Variants in EIF4E observed in about 807,000 individuals in gnomAD.
The protein encoded by EIF4E is eIF-4F 25 kDa subunit.
For synonymous variants in EIF4E, 71 were observed against 88.5 expected (o/e 0.80, Z 1.11); for missense variants, 113 against 265.6 (o/e 0.43, Z 3.99).
intron 1 of EIF4E, chr4:98,903,335 T>C (rs1579166977): frequency 9.5e-6 from 4 of 419,634 alleles, no homozygotes; most frequent in Non-Finnish European, 1.8e-5. Flanking sequence ...AGAAAGGTGG[T>C]AAATATTTAT....
At chr4:98,920,840 C>T (rs66467917) in intron 1 of EIF4E, among the ~76,000 whole-genome samples, 12,084 of 152,134 alleles carry the variant, frequency 0.079, 1,117 homozygotes, top group East Asian at 0.49. Flanking sequence ...CATATTCTTT[C>T]AGTTAGAATT....
chr4:98,906,851 A>G (rs1724893280), intron 1 of EIF4E, among the ~76,000 whole-genome samples: 1 of 152,186 alleles, frequency 6.6e-6, no homozygotes. Flanking sequence ...CACAGCTGTA[A>G]AATTCAGAGC....
rs75671922 is a variant in EIF4E, at chr4:98,888,760, A to C, written c.222-808T>G. On this transcript the variant is annotated intron_variant, in intron 3 of 6. Coordinates refer to ENST00000450253, the MANE Select transcript of EIF4E (RefSeq NM_001968.5). ...ATCTTTTGCTTGTCTCCAATATTAG[A>C]TGGCAGAAATAATGATCTTAGCTGT... Among the ~76,000 whole-genome samples the C allele has an allele frequency of 8.8e-3, 1,343 of 152,266 alleles. 22 individuals carry two copies. Among genetic ancestry groups the C allele is most frequent in the African/African-American group, 0.031 (1,280 of 41,548 alleles).
intron 1 of EIF4E, among the ~76,000 whole-genome samples, chr4:98,903,951 C>G (rs560491814): frequency 6.6e-6 from 1 of 152,054 alleles, no homozygotes; most frequent in Non-Finnish European, 1.5e-5. Context: ...GTGGGAGTCT[C>G]GATGAAAACA....
chr4:98,896,570 G>C (rs753357914), intron 2 of EIF4E, among the ~76,000 whole-genome samples: 21 of 145,464 alleles, frequency 1.4e-4, no homozygotes, highest in Admixed American at 6.9e-5. Flanking sequence ...AAGCTGATGT[G>C]GGAAGGTCAT....
intron 2 of EIF4E, chr4:98,895,217 C>A (rs1290663370): frequency 6.6e-6 from 1 of 152,166 alleles, no homozygotes; most frequent in Non-Finnish European, 1.5e-5. Flanking sequence ...TGAGCACATG[C>A]CATTGGAAAC....
At chr4:98,917,887 C>T (rs534489563) in intron 1 of EIF4E, among the ~76,000 whole-genome samples, 1 of 151,880 alleles carries the variant, frequency 6.6e-6, no homozygotes, top group Non-Finnish European at 1.5e-5. Context: ...ACCAGCCTGG[C>T]CAACATAATG....
At chr4:98,894,251 C>G (rs1025729731) in intron 2 of EIF4E, among the ~76,000 whole-genome samples, 1 of 152,224 alleles carries the variant, frequency 6.6e-6, no homozygotes, top group Non-Finnish European at 1.5e-5. Flanking sequence ...CTGGCTTCAA[C>G]TTAAAGTCAT....
intron 6 of EIF4E, among the ~76,000 whole-genome samples, chr4:98,884,669 AC>A (rs1333809094): frequency 6.6e-6 from 1 of 152,142 alleles, no homozygotes; most frequent in Non-Finnish European, 1.5e-5. Flanking sequence ...ATGCCACTGT[AC>A]TATATATAGC....
In EIF4E at chr4:98,919,839, G is replaced by A. The variant is rs867026661; in HGVS notation, c.18+9256C>T. On this transcript the variant is annotated intron_variant, in intron 1 of 6. Coordinates refer to ENST00000450253, the MANE Select transcript of EIF4E (RefSeq NM_001968.5). ...CTCCCCAAGTGCTGGGATTACAGGCGTGAGCCACCATGCCCGGCCAGAATT... is the reference window on the plus strand; with the variant it reads ...CTCCCCAAGTGCTGGGATTACAGGCATGAGCCACCATGCCCGGCCAGAATT... Among the ~76,000 whole-genome samples the A allele has an allele frequency of 7.9e-5, 12 of 152,108 alleles. No homozygotes were observed. The South Asian group carries it at 2.1e-3, about 26-fold the overall frequency.
At chr4:98,895,040 A>G (rs1308264940) in intron 2 of EIF4E, 3 of 152,286 alleles carry the variant, frequency 2.0e-5, no homozygotes, top group Non-Finnish European at 4.4e-5. Flanking sequence ...GTCAGAACAC[A>G]TACAACATTT....
At chr4:98,924,011 C>CA (rs936249890) in intron 1 of EIF4E, among the ~76,000 whole-genome samples, 3 of 151,924 alleles carry the variant, frequency 2.0e-5, no homozygotes, top group Admixed American at 6.6e-5. Context: ...TTCCACTTCT[C>CA]AAAAAAGTCT....
chr4:98,916,891 G>C (rs186019024), intron 1 of EIF4E, among the ~76,000 whole-genome samples: 5 of 152,012 alleles, frequency 3.3e-5, no homozygotes, highest in African/African-American at 1.2e-4. Context: ...CAAATGGAAG[G>C]GTGGAACACA....
chr4:98,902,567 G>C (rs1182206475), intron 1 of EIF4E, among the ~76,000 whole-genome samples: 1 of 151,886 alleles, frequency 6.6e-6, no homozygotes, highest in Admixed American at 6.6e-5. Flanking sequence ...ATAGCAGGAA[G>C]ACTGTCACAG....
chr4:98,889,355 AT>A (rs1335764477), intron 3 of EIF4E, among the ~76,000 whole-genome samples: 1 of 152,216 alleles, frequency 6.6e-6, no homozygotes, highest in Non-Finnish European at 1.5e-5. Flanking sequence ...CTAAGTGACT[AT>A]AAAATTAGCG....
At chr4:98,901,258 C>A (rs1009706679) in intron 2 of EIF4E, among the ~76,000 whole-genome samples, 1 of 149,984 alleles carries the variant, frequency 6.7e-6, no homozygotes, top group Non-Finnish European at 1.5e-5. Flanking sequence ...CAGGCAATGG[C>A]GCGATCTCAG....
intron 6 of EIF4E, among the ~76,000 whole-genome samples, chr4:98,882,208 T>C (rs929592928): frequency 7.0e-6 from 1 of 143,352 alleles, no homozygotes; most frequent in Non-Finnish European, 1.5e-5. Flanking sequence ...CTGGCTAACA[T>C]GGTGAAACCC....
In EIF4E at chr4:98,887,278, C is replaced by A; in HGVS notation, c.286-86G>T. 9.8e-6 allele frequency: 13 copies of A among 1,326,714 alleles called. No homozygotes were observed. Among genetic ancestry groups the A allele is most frequent in the Non-Finnish European group, 1.4e-5 (13 of 921,354 alleles). The allele number at this position is 1,326,714 out of a possible 1,614,324, so 82.2% of individuals were successfully genotyped here. On this transcript the variant is annotated intron_variant, in intron 4 of 6. Transcript: ENST00000450253. This position sits in a 1 kb window ranked among gnomAD's most constrained non-coding sequence, Gnocchi z 4.0. ...CATTAGAAACAGTTAAGCAACAACA[C>A]TGTCAACTTCTTACTTTATTGCCCA...
At chr4:98,899,131 T>G (rs897551655) in intron 2 of EIF4E, among the ~76,000 whole-genome samples, 1 of 151,998 alleles carries the variant, frequency 6.6e-6, no homozygotes, top group Non-Finnish European at 1.5e-5. Context: ...CTTTCTGACT[T>G]AATACTCCTC....
Sources: allele counts gnomAD v4.1 joint callset (sites outside exome capture counted in the v4.1 genomes callset), GRCh38; gene constraint gnomAD v4.1.1; non-coding constraint Gnocchi (gnomAD v3.1); transcripts MANE v1.5; gene names NCBI Gene and HGNC (gene_info 2026-07-23, HGNC 2026-07-21).